CA8: variants seen among roughly 807,000 people sequenced by gnomAD.
CA8 encodes carbonic anhydrase-related protein.
In CA8, 22 loss-of-function variants were observed where a neutral mutation model predicts 41.4. The observed-to-expected ratio is 0.53, with a 90% confidence interval of 0.38 to 0.76. The LOEUF is 0.76. Ranked by LOEUF, CA8 falls within the 30% of genes least tolerant of loss-of-function variation. The probability of loss-of-function intolerance (pLI) is 0.00; values close to 1 mark genes in which losing one functional copy is unlikely to be tolerated. For missense variants in CA8, 270 were observed against 352.8 expected (o/e 0.77, Z 1.88); for synonymous variants, 121 against 130.6 (o/e 0.93, Z 0.50).
intron 3 of CA8, among the ~76,000 whole-genome samples, chr8:60,263,776 C>T (rs897608956): frequency 6.6e-6 from 1 of 152,190 alleles, no homozygotes; most frequent in African/African-American, 2.4e-5. Context: ...TCAGAACCCA[C>T]CTCAGTTTTC....
intron 7 of CA8, among the ~76,000 whole-genome samples, chr8:60,209,214 A>G (rs1218707972): frequency 6.6e-6 from 1 of 152,214 alleles, no homozygotes; most frequent in East Asian, 1.9e-4. Context: ...GGCCGGGCAC[A>G]GTGGCTCACG....
At chr8:60,230,180 C>T (rs1194568888) in intron 4 of CA8, among the ~76,000 whole-genome samples, 1 of 152,222 alleles carries the variant, frequency 6.6e-6, no homozygotes, top group Non-Finnish European at 1.5e-5. Flanking sequence ...TACAAATCGG[C>T]CCCATGTGTG....
At chr8:60,202,369 T>A (rs886274095) in intron 8 of CA8, among the ~76,000 whole-genome samples, 1 of 151,986 alleles carries the variant, frequency 6.6e-6, no homozygotes, top group African/African-American at 2.4e-5. Flanking sequence ...GTTTCTTTAT[T>A]GATAAAATCT....
intron 3 of CA8, among the ~76,000 whole-genome samples, chr8:60,240,360 C>A (rs575073515): frequency 1.3e-5 from 2 of 152,220 alleles, no homozygotes; most frequent in Admixed American, 1.3e-4. Flanking sequence ...TGGAGCAAGG[C>A]CAATCAGCCT....
chr8:60,272,473 T>C (rs1172020372), intron 2 of CA8, among the ~76,000 whole-genome samples: 1 of 152,176 alleles, frequency 6.6e-6, no homozygotes, highest in Non-Finnish European at 1.5e-5. Context: ...CTCTATTCTA[T>C]TTCCTGTTAA....
At chr8:60,208,721 C>T in intron 8 of CA8, 29 bp downstream of exon 8, 2 of 1,596,736 alleles carry the variant, frequency 1.3e-6, no homozygotes, top group South Asian at 2.2e-5. Context: ...AGCTGTGCAC[C>T]TCATTTTCCT....
chr8:60,252,942 C>A (rs1808502243), intron 3 of CA8, among the ~76,000 whole-genome samples: 1 of 151,972 alleles, frequency 6.6e-6, no homozygotes, highest in African/African-American at 2.4e-5. Context: ...GAATTAAAAG[C>A]AACATGGCTC....
intron 7 of CA8, among the ~76,000 whole-genome samples, 196 bp downstream of exon 7, chr8:60,222,453 T>C (rs1807285085): frequency 2.6e-5 from 4 of 152,256 alleles, no homozygotes; most frequent in Non-Finnish European, 4.4e-5. Context: ...TTTTAAAATA[T>C]AGACCATAAA....
chr8:60,201,781 AG>A, intron 8 of CA8, among the ~76,000 whole-genome samples: 1 of 139,710 alleles, frequency 7.2e-6, no homozygotes, highest in Admixed American at 7.1e-5. Context: ...GTAAGGTACT[AG>A]ATGAGGCTCT....
chr8:60,218,060 G>T (rs78922489), intron 7 of CA8, among the ~76,000 whole-genome samples: 1 of 152,006 alleles, frequency 6.6e-6, no homozygotes, highest in South Asian at 2.1e-4. Context: ...CCCTCATGTC[G>T]CAGGCTCTCC....
chr8:60,217,267 T>C (rs992265032), intron 7 of CA8, among the ~76,000 whole-genome samples: 3 of 152,242 alleles, frequency 2.0e-5, no homozygotes, highest in Non-Finnish European at 2.9e-5. Context: ...AATGTGACCA[T>C]AGACACCCAG....
At chr8:60,212,186 T>G (rs1429083987) in intron 7 of CA8, among the ~76,000 whole-genome samples, 1 of 152,242 alleles carries the variant, frequency 6.6e-6, no homozygotes, top group Non-Finnish European at 1.5e-5. Context: ...CTAAGACATT[T>G]ATTCCAATCT....
At chr8:60,191,153 A>C (rs1806118654) in intron 8 of CA8, among the ~76,000 whole-genome samples, 1 of 151,868 alleles carries the variant, frequency 6.6e-6, no homozygotes, top group South Asian at 2.1e-4. Flanking sequence ...AATCTTTTTA[A>C]ATTTTTTAAT....
chr8:60,213,847 C>T (rs1806924293), intron 7 of CA8, among the ~76,000 whole-genome samples: 1 of 151,970 alleles, frequency 6.6e-6, no homozygotes, highest in Non-Finnish European at 1.5e-5. Context: ...GCTGGCCTAG[C>T]GCTGCCCTTC....
chr8:60,219,738 C>T (rs1807170106), intron 7 of CA8, among the ~76,000 whole-genome samples: 1 of 152,028 alleles, frequency 6.6e-6, no homozygotes, highest in Admixed American at 6.5e-5. Context: ...ACATGACTGG[C>T]TGGATCCCCA....
At chr8:60,253,159 C>T (rs1217647382) in intron 3 of CA8, among the ~76,000 whole-genome samples, 5 of 152,076 alleles carry the variant, frequency 3.3e-5, no homozygotes, top group Non-Finnish European at 7.4e-5. Context: ...GGCTTGAGCC[C>T]AACAGGTGGA....
chr8:60,232,732 C>T (rs1457446308), intron 3 of CA8: 2 of 320,430 alleles, frequency 6.2e-6, no homozygotes, highest in African/African-American at 4.2e-5. Context: ...GGCACAAACA[C>T]TAGAACTCAT....
intron 1 of CA8, 67 bp downstream of exon 1, chr8:60,280,981 G>A: frequency 8.4e-7 from 1 of 1,191,250 alleles, no homozygotes; most frequent in East Asian, 2.3e-5. Context: ...CAGGACTCGA[G>A]TCCCGCGCTC....
chr8:60,202,047 C>CTT (rs780582775), intron 8 of CA8, among the ~76,000 whole-genome samples: 11 of 139,780 alleles, frequency 7.9e-5, no homozygotes, highest in East Asian at 2.0e-4. Flanking sequence ...GACTCAGTTT[C>CTT]TTTTTTTTTT....
Sources: allele counts gnomAD v4.1 joint callset (sites outside exome capture counted in the v4.1 genomes callset), GRCh38; gene constraint gnomAD v4.1.1; transcripts MANE v1.5; gene names NCBI Gene and HGNC (gene_info 2026-07-23, HGNC 2026-07-21).